CSMD1: variants seen among roughly 807,000 people sequenced by gnomAD.
The protein encoded by CSMD1 is CUB and Sushi multiple domains 1, also known as CUB and sushi domain-containing protein 1.
Under a neutral mutation model 417.5 loss-of-function variants are expected in CSMD1, and 213 were observed. That is an observed-to-expected ratio of 0.51 (90% CI 0.46 to 0.57). The LOEUF is 0.57. Among genes scored for constraint, CSMD1 ranks in the 20% least tolerant of loss-of-function variants. CSMD1 has a pLI of 0.00. For missense variants in CSMD1, 6,923 were observed against 4,529.7 expected (o/e 1.53, Z -15.17); for synonymous variants, 2,862 against 1,736.8 (o/e 1.65, Z -16.11).
At position 4,969,130 on chromosome 8, in the gene CSMD1, T is replaced by C. The variant is rs149331820; in HGVS notation, c.85+25202A>G. On this transcript the variant is annotated intron_variant, in intron 1 of 69. Transcript: ENST00000635120. ...TTATAATTTGCAGGACGAATGGATA[T>C]GTACCTTATTGTACTTTATTATACC... Among the ~76,000 whole-genome samples the C allele has an allele frequency of 4.4e-3, 674 of 152,284 alleles. 6 individuals are homozygous for C. The highest frequency in any genetic ancestry group is 0.015 in the African/African-American group (636 of 41,574).
intron 50 of CSMD1, among the ~76,000 whole-genome samples, chr8:3,042,760 G>A (rs1811188009): frequency 6.6e-6 from 1 of 152,046 alleles, no homozygotes; most frequent in African/African-American, 2.4e-5. Flanking sequence ...ACAGTGCCTG[G>A]TGCTCATAGA....
chr8:3,815,077 C>T (rs183553216), intron 5 of CSMD1, among the ~76,000 whole-genome samples: 11 of 152,248 alleles, frequency 7.2e-5, no homozygotes, highest in Non-Finnish European at 1.6e-4. Flanking sequence ...TAAATGTCCC[C>T]TGATATTTGA....
At chr8:4,494,493 T>G (rs1463758162) in intron 2 of CSMD1, among the ~76,000 whole-genome samples, 1 of 152,242 alleles carries the variant, frequency 6.6e-6, no homozygotes, top group African/African-American at 2.4e-5. Context: ...CTATCCAAGT[T>G]TTACGTTTAT....
chr8:3,887,614 T>G (rs1005096816), intron 5 of CSMD1, among the ~76,000 whole-genome samples: 6 of 152,182 alleles, frequency 3.9e-5, no homozygotes, highest in African/African-American at 1.4e-4. Context: ...CCCAGGTAAT[T>G]CTAATATAAA....
intron 50 of CSMD1, among the ~76,000 whole-genome samples, chr8:3,052,000 A>T (rs1431323784): frequency 1.3e-5 from 2 of 152,204 alleles, no homozygotes; most frequent in African/African-American, 4.8e-5. Flanking sequence ...CTGAGCATCG[A>T]TGTGTTATGC....
intron 15 of CSMD1, among the ~76,000 whole-genome samples, chr8:3,405,638 T>A (rs1812300090): frequency 6.6e-6 from 1 of 152,100 alleles, no homozygotes; most frequent in Non-Finnish European, 1.5e-5. Flanking sequence ...CCAATATGAT[T>A]GTGTCCTTTT....
chr8:4,120,262 G>C (rs1418558702), intron 3 of CSMD1, among the ~76,000 whole-genome samples: 5 of 151,404 alleles, frequency 3.3e-5, no homozygotes, highest in Admixed American at 1.3e-4. Context: ...AAAAGGATTT[G>C]GGGTAAAGAA....
chr8:3,951,008 C>T (rs1329993580), intron 5 of CSMD1, among the ~76,000 whole-genome samples: 3 of 152,144 alleles, frequency 2.0e-5, no homozygotes, highest in South Asian at 2.1e-4. Context: ...AACTGAGCCC[C>T]GTTTCTGATC....
rs773558052 is a variant in CSMD1 at position 3,254,690 on chromosome 8, C to T, written c.4154-24459G>A. On this transcript the variant is annotated intron_variant, in intron 26 of 69. Transcript: ENST00000635120. ...GCTATTGAGACTTGTGCATTTGTCACTTAGTTCTCGAGCCTTGGTTTTCAG... is the reference window on the plus strand; with the variant it reads ...GCTATTGAGACTTGTGCATTTGTCATTTAGTTCTCGAGCCTTGGTTTTCAG... Among the ~76,000 whole-genome samples, 3 of 152,166 alleles carry T rather than the reference C, an allele frequency of 2.0e-5. No individual in the cohort carries two copies. The South Asian group carries it at 6.2e-4, about 31-fold the overall frequency.
At chr8:3,904,714 G>A (rs534809336) in intron 5 of CSMD1, among the ~76,000 whole-genome samples, 11 of 146,674 alleles carry the variant, frequency 7.5e-5, no homozygotes, top group Non-Finnish European at 1.3e-4. Context: ...TCAGCTCACA[G>A]CAACCTCGGC....
In CSMD1 at chr8:4,836,146, G is replaced by A. The variant is rs775711067; in HGVS notation, c.85+158186C>T. On this transcript the variant is annotated intron_variant, in intron 1 of 69. Coordinates refer to ENST00000635120, the MANE Select transcript of CSMD1 (RefSeq NM_033225.6). ...CCAATTTGAAATATAGGTTTTATAA[G>A]GCTACTTTAAAACTGGGGTTATTTA... Among the ~76,000 whole-genome samples, 4 of 152,234 alleles carry A rather than the reference G, an allele frequency of 2.6e-5. No individual in the cohort carries two copies. In the East Asian group the frequency reaches 7.7e-4, roughly 29 times the overall value.
Position 4,274,437 on chromosome 8 carries a change from G to A in CSMD1, c.415+145516C>T, listed in dbSNP as rs146743437. Among the ~76,000 whole-genome samples, 576 of 151,946 alleles carry A rather than the reference G, an allele frequency of 3.8e-3. 4 individuals are homozygous for A. The highest frequency in any genetic ancestry group is 0.013 in the African/African-American group (540 of 41,516). On this transcript the variant is annotated intron_variant, in intron 3 of 69. Transcript: ENST00000635120. ...TCTCTGGTGCCCAAGAGTTGCAAACGCATTATTGATTAATCGTCAGCACAG... is the reference window on the plus strand; with the variant it reads ...TCTCTGGTGCCCAAGAGTTGCAAACACATTATTGATTAATCGTCAGCACAG...
At chr8:4,762,842 C>A (rs898639609) in intron 1 of CSMD1, among the ~76,000 whole-genome samples, 2 of 152,162 alleles carry the variant, frequency 1.3e-5, no homozygotes, top group Non-Finnish European at 2.9e-5. Context: ...AAAGATCTTT[C>A]TTTGGTATGT....
chr8:4,044,899 T>A (rs1798072153), intron 3 of CSMD1, among the ~76,000 whole-genome samples: 1 of 151,678 alleles, frequency 6.6e-6, no homozygotes, highest in Non-Finnish European at 1.5e-5. Flanking sequence ...CCAGACTGAC[T>A]TCTCCCACAA....
chr8:3,962,889 G>A (rs1812423929), intron 5 of CSMD1, among the ~76,000 whole-genome samples: 1 of 152,122 alleles, frequency 6.6e-6, no homozygotes, highest in African/African-American at 2.4e-5. Context: ...ACTGAAGCCT[G>A]TTTTTATCAT....
chr8:3,930,448 A>C (rs1810062911), intron 5 of CSMD1, among the ~76,000 whole-genome samples: 1 of 150,474 alleles, frequency 6.6e-6, no homozygotes, highest in African/African-American at 2.5e-5. Context: ...CTTCTTCCTT[A>C]TTTGAAGGTC....
At chr8:3,409,680 TA>T in intron 12 of CSMD1, 75 bp from the exon 13 acceptor site, 1 of 1,187,738 alleles carries the variant, frequency 8.4e-7, no homozygotes, top group Non-Finnish European at 1.1e-6. Flanking sequence ...ACTTAGAAAG[TA>T]AATACGTGGC....
rs79700389 is a variant in CSMD1 at position 4,892,521 on chromosome 8, A to G, written c.85+101811T>C. ...AAATATTTGCAAAGACACCTGGGCT[A>G]ATAAGGGTAATATTACTTGTACTAG... On this transcript the variant is annotated intron_variant, in intron 1 of 69. Coordinates refer to ENST00000635120, the MANE Select transcript of CSMD1 (RefSeq NM_033225.6). Among the ~76,000 whole-genome samples, 411 of 152,274 alleles carry G rather than the reference A, an allele frequency of 2.7e-3. 7 individuals carry two copies. The highest frequency in any genetic ancestry group is 4.0e-3 in the Non-Finnish European group (269 of 68,030).
intron 26 of CSMD1, among the ~76,000 whole-genome samples, chr8:3,271,982 G>T (rs1057040612): frequency 1.2e-4 from 19 of 152,100 alleles, no homozygotes; most frequent in African/African-American, 4.3e-4. Context: ...TGCTTTTTGT[G>T]TTTGAGACAT....
Sources: allele counts gnomAD v4.1 joint callset (sites outside exome capture counted in the v4.1 genomes callset), GRCh38; gene constraint gnomAD v4.1.1; transcripts MANE v1.5; gene names NCBI Gene and HGNC (gene_info 2026-07-23, HGNC 2026-07-21).